GPT2: variants seen among roughly 807,000 people sequenced by gnomAD.
The protein encoded by GPT2 is alanine aminotransferase 2.
A neutral mutation model predicts 56.9 loss-of-function variants in GPT2; 30 were observed. That is an observed-to-expected ratio of 0.53 (90% CI 0.39 to 0.72). GPT2 has a LOEUF of 0.72. Ranked by LOEUF, GPT2 falls within the 30% of genes least tolerant of loss-of-function variation. The probability of loss-of-function intolerance (pLI) is 0.00; values close to 1 mark genes in which losing one functional copy is unlikely to be tolerated. For synonymous variants in GPT2, 271 were observed against 283.1 expected (o/e 0.96, Z 0.43); for missense variants, 542 against 703.4 (o/e 0.77, Z 2.60).
Position 46,906,899 on chromosome 16 carries a change from T to A in GPT2, c.500T>A (p.Ile167Asn), listed in dbSNP as rs767906904. 3.5e-5 allele frequency: 57 copies of A among 1,614,110 alleles called. No homozygotes were observed. Among genetic ancestry groups the A allele is most frequent in the Non-Finnish European group, 4.2e-5 (50 of 1,180,058 alleles). ...ATCCGTGAAGATGTGGCTGCCTACA[T>A]CACCAGGAGGGATGGCGGTGTGCCT... ...NCIREDVAAY[I>N]TRRDGGVPAD... The change falls in exon 5 of 12, where the codon ATC (isoleucine) becomes AAC (asparagine). Residue 167 changes from isoleucine (I) to asparagine (N), a missense_variant. By Grantham distance (149) the Ile-to-Asn change is moderately radical (BLOSUM62 -3). Transcript: ENST00000340124.
At chr16:46,896,527 A>G (rs1401491756) in intron 2 of GPT2, among the ~76,000 whole-genome samples, 1 of 152,066 alleles carries the variant, frequency 6.6e-6, no homozygotes, top group Non-Finnish European at 1.5e-5. Context: ...AATGACCCTG[A>G]GGATTCCCTG....
intron 2 of GPT2, chr16:46,885,247 G>A: frequency 8.5e-7 from 1 of 1,182,380 alleles, no homozygotes; most frequent in South Asian, 3.9e-5. Flanking sequence ...CCCTACTCTC[G>A]TGGAACCAAG....
chr16:46,887,104 A>G (rs1166890145), intron 2 of GPT2, among the ~76,000 whole-genome samples: 1 of 151,606 alleles, frequency 6.6e-6, no homozygotes, highest in African/African-American at 2.4e-5. Context: ...CTTTCTTTTT[A>G]TTTCTGGCTT....
At chr16:46,921,754 C>T (rs549532728) in intron 8 of GPT2, among the ~76,000 whole-genome samples, 4 of 152,256 alleles carry the variant, frequency 2.6e-5, no homozygotes, top group East Asian at 1.9e-4. Flanking sequence ...CGGTGACTCA[C>T]GCCTGTAATC....
At chr16:46,922,465 G>A (rs1473045165) in intron 9 of GPT2, 49 bp downstream of exon 9, 8 of 1,527,062 alleles carry the variant, frequency 5.2e-6, no homozygotes, top group Non-Finnish European at 6.2e-6. Flanking sequence ...GGTCACGAGA[G>A]TTCCTGCTGG....
chr16:46,897,567 C>A, intron 2 of GPT2, 81 bp from the exon 3 acceptor site: 1 of 1,295,228 alleles, frequency 7.7e-7, no homozygotes, highest in Non-Finnish European at 1.1e-6. Context: ...TTATTAATAT[C>A]CTGCGGGAAC....
chr16:46,896,889 C>T (rs984725095), intron 2 of GPT2, among the ~76,000 whole-genome samples: 2 of 152,222 alleles, frequency 1.3e-5, no homozygotes, highest in Admixed American at 6.5e-5. Flanking sequence ...TATATTCATT[C>T]CCAGCACTTA....
intron 6 of GPT2, among the ~76,000 whole-genome samples, chr16:46,912,630 G>A (rs1287157557): frequency 6.6e-6 from 1 of 152,230 alleles, no homozygotes; most frequent in Non-Finnish European, 1.5e-5. Context: ...TCTGCAGACT[G>A]TACAGGAAGC....
intron 8 of GPT2, among the ~76,000 whole-genome samples, chr16:46,921,266 T>G (rs1461615073): frequency 2.0e-5 from 3 of 152,166 alleles, no homozygotes; most frequent in African/African-American, 7.2e-5. Flanking sequence ...CCTCCCGGTC[T>G]TGGTTCAAGC....
rs143830468 is a variant in GPT2, at chr16:46,928,992, G to A, written c.1567G>A (p.Ala523Thr). 16 of 1,613,324 alleles carry A rather than the reference G, an allele frequency of 9.9e-6. 1 individual carries two copies. The South Asian group carries it at 1.1e-4, about 11-fold the overall frequency. ...DFHINFLEKY[A>T] Reference sequence around the variant, plus strand: ...CCACATCAACTTCCTGGAGAAGTACGCGTGAGGACGCCTGAGCCCCAGCGG... The same window carrying A: ...CCACATCAACTTCCTGGAGAAGTACACGTGAGGACGCCTGAGCCCCAGCGG... The change falls in exon 12 of 12, where the codon GCG (alanine) becomes ACG (threonine). Residue 523 changes from alanine (A) to threonine (T), a missense_variant. Physicochemically the swap from Ala to Thr is moderately conservative, Grantham distance 58. Coordinates refer to ENST00000340124, the MANE Select transcript of GPT2 (RefSeq NM_133443.4).
At position 46,898,891 on chromosome 16, in the gene GPT2, TATATATATACAC is replaced by T. The variant is rs1044987496; in HGVS notation, c.333+1168_333+1179del. Among the ~76,000 whole-genome samples the T allele has an allele frequency of 1.1e-4, 15 of 138,432 alleles. 1 individual carries two copies. The highest frequency in any genetic ancestry group is 4.4e-4 in the South Asian group (2 of 4,526). The allele number at this position is 138,432 out of a possible 152,430, so 90.8% of individuals were successfully genotyped here. On this transcript the variant is annotated intron_variant, in intron 3 of 11. Coordinates refer to ENST00000340124, the MANE Select transcript of GPT2 (RefSeq NM_133443.4). ...ATATACATATATATATATATATACGTATATATATACACATATATATACACACACATATATATG... is the reference window on the plus strand; with the variant it reads ...ATATACATATATATATATATATACGTATATATATACACACACATATATATG...
chr16:46,926,087 C>T (rs189516565), intron 10 of GPT2, among the ~76,000 whole-genome samples: 20 of 138,956 alleles, frequency 1.4e-4, no homozygotes, highest in Non-Finnish European at 2.7e-4. Flanking sequence ...GCCGAGATCA[C>T]GCCATTGCAC....
At chr16:46,897,263 C>T (rs1464244680) in intron 2 of GPT2, among the ~76,000 whole-genome samples, 1 of 152,036 alleles carries the variant, frequency 6.6e-6, no homozygotes, top group East Asian at 1.9e-4. Context: ...ATCCCAGCTA[C>T]TCGGGAGGCT....
chr16:46,906,643 G>A (rs4246382), intron 4 of GPT2, among the ~76,000 whole-genome samples, 199 bp from the exon 5 acceptor site: 1 of 152,222 alleles, frequency 6.6e-6, no homozygotes, highest in South Asian at 2.1e-4. Context: ...TAGATGGGTG[G>A]ATGGATAGAG....
At chr16:46,893,515 G>A (rs1414297766) in intron 2 of GPT2, among the ~76,000 whole-genome samples, 2 of 152,192 alleles carry the variant, frequency 1.3e-5, no homozygotes, top group Non-Finnish European at 2.9e-5. Flanking sequence ...GTTCCCTTCC[G>A]TGGGCCGCCT....
In GPT2 at chr16:46,929,055, G is replaced by C. The variant is rs1961477248; in HGVS notation, c.*58G>C. On this transcript the variant is annotated 3_prime_UTR_variant, in exon 12 of 12. Transcript: ENST00000340124. ...TGGCTCTTCCTCCCAATGCCCGTCA[G>C]GCTGAACTCGCCTCCCCCGTGACTC... 3.7e-6 allele frequency: 5 copies of C among 1,368,670 alleles called. No individual in the cohort carries two copies. The highest frequency in any genetic ancestry group is 5.2e-6 in the Non-Finnish European group (5 of 958,330). 84.8% of individuals were successfully genotyped at this position (1,368,670 alleles called of 1,614,324 possible).
chr16:46,914,208 C>T (rs944193003), intron 6 of GPT2, among the ~76,000 whole-genome samples: 2 of 152,108 alleles, frequency 1.3e-5, no homozygotes, highest in Admixed American at 1.3e-4. Context: ...TTCGTGTGAA[C>T]GGATGGATCA....
chr16:46,899,109 T>C (rs1181038420), intron 3 of GPT2, among the ~76,000 whole-genome samples: 1 of 148,738 alleles, frequency 6.7e-6, no homozygotes, highest in Non-Finnish European at 1.5e-5. Context: ...CACTGCTCTC[T>C]GTAACCTCAA....
At chr16:46,890,098 T>C (rs1960558269) in intron 2 of GPT2, among the ~76,000 whole-genome samples, 1 of 152,264 alleles carries the variant, frequency 6.6e-6, no homozygotes, top group Admixed American at 6.5e-5. Context: ...AGCTCAGCCC[T>C]GGAGGCTCTT....
Sources: gnomAD v4.1 joint callset for allele counts (sites outside exome capture counted in the v4.1 genomes callset) on GRCh38, gnomAD v4.1.1 for gene constraint, MANE v1.5 for transcripts, NCBI Gene and HGNC (gene_info 2026-07-23, HGNC 2026-07-21) for gene names.